The following ADAMTS6 variants were observed in gnomAD, a reference collection of about 807,000 sequenced individuals.
ADAMTS6 encodes ADAM metallopeptidase with thrombospondin type 1 motif 6, also known as A disintegrin and metalloproteinase with thrombospondin motifs 6.
Under a neutral mutation model 144.3 loss-of-function variants are expected in ADAMTS6, and 23 were observed. That is an observed-to-expected ratio of 0.16 (90% CI 0.11 to 0.23). The LOEUF is 0.23. ADAMTS6 is among the 10% of genes least tolerant of loss of function. ADAMTS6 has a pLI of 1.00. For missense variants in ADAMTS6, 999 were observed against 1,379.6 expected (o/e 0.72, Z 4.37); for synonymous variants, 444 against 457.5 (o/e 0.97, Z 0.38).
chr5:65,286,282 G>A (rs1741644709), intron 11 of ADAMTS6, among the ~76,000 whole-genome samples: 1 of 152,094 alleles, frequency 6.6e-6, no homozygotes, highest in South Asian at 2.1e-4. Flanking sequence ...TTAGGTCATA[G>A]TAATAGTTTA....
chr5:65,175,621 T>C (rs1023431683), intron 22 of ADAMTS6, among the ~76,000 whole-genome samples: 1 of 152,084 alleles, frequency 6.6e-6, no homozygotes, highest in Non-Finnish European at 1.5e-5. Context: ...GGCAACTGCT[T>C]TGCTAACAGA....
chr5:65,339,114 C>G (rs1747583673), intron 7 of ADAMTS6, among the ~76,000 whole-genome samples: 1 of 152,148 alleles, frequency 6.6e-6, no homozygotes, highest in South Asian at 2.1e-4. Flanking sequence ...AGACTGCAAG[C>G]TAGCCAACCC....
intron 24 of ADAMTS6, among the ~76,000 whole-genome samples, chr5:65,155,786 G>A (rs1752378925): frequency 6.6e-6 from 1 of 152,174 alleles, no homozygotes; most frequent in Non-Finnish European, 1.5e-5. Flanking sequence ...CTCTGACTCT[G>A]TATTCTTGGC....
At chr5:65,234,946 T>C (rs74557361) in intron 15 of ADAMTS6, among the ~76,000 whole-genome samples, 1 of 152,034 alleles carries the variant, frequency 6.6e-6, no homozygotes, top group African/African-American at 2.4e-5. Context: ...AAGAAAGAAA[T>C]AAAGAAATCC....
rs578248561 is a variant in ADAMTS6 at position 65,187,926 on chromosome 5, A to T, written c.2910+90T>A. ...ACACAGCCCTTACTTGTTGAGTTCT[A>T]AGATGTTCAGGTGTCCTTAATATTA... On this transcript the variant is annotated intron_variant, in intron 22 of 24. Coordinates refer to ENST00000381055, the MANE Select transcript of ADAMTS6 (RefSeq NM_197941.4). 4 of 1,305,484 alleles carry T rather than the reference A, an allele frequency of 3.1e-6. No individual in the cohort carries two copies. The Admixed American group carries it at 7.3e-5, about 24-fold the overall frequency. The allele number at this position is 1,305,484 out of a possible 1,614,324, so 80.9% of individuals were successfully genotyped here.
chr5:65,287,863 T>A (rs576731592), intron 11 of ADAMTS6, among the ~76,000 whole-genome samples: 3 of 152,230 alleles, frequency 2.0e-5, no homozygotes, highest in African/African-American at 7.2e-5. Context: ...CAATCTGAAG[T>A]AGCTCAGAAA....
chr5:65,252,408 A>AT (rs1760256137), intron 14 of ADAMTS6, among the ~76,000 whole-genome samples: 1 of 151,162 alleles, frequency 6.6e-6, no homozygotes, highest in African/African-American at 2.4e-5. Flanking sequence ...CGCCCGGCTA[A>AT]TTTTTTGTAT....
chr5:65,273,566 G>A (rs1461463395), intron 11 of ADAMTS6, 119 bp from the exon 12 acceptor site: 3 of 727,104 alleles, frequency 4.1e-6, no homozygotes, highest in African/African-American at 3.4e-5. Context: ...TTTTGCTGCT[G>A]AAGCATCGCA....
chr5:65,393,213 T>G (rs1329034012), intron 7 of ADAMTS6, among the ~76,000 whole-genome samples: 1 of 152,200 alleles, frequency 6.6e-6, no homozygotes, highest in Non-Finnish European at 1.5e-5. Flanking sequence ...ATTGGACATA[T>G]GGAAAGTTGG....
At chr5:65,349,229 G>A (rs920112794) in intron 7 of ADAMTS6, among the ~76,000 whole-genome samples, 2 of 152,068 alleles carry the variant, frequency 1.3e-5, no homozygotes, top group African/African-American at 4.8e-5. Flanking sequence ...GCAGCCAATA[G>A]TCTAATTCTG....
In ADAMTS6 at chr5:65,151,492, T is replaced by C; in HGVS notation, c.*344A>G. ...AAATGGATTCAGTGTCATTGCTAAG[T>C]CCATAATAAAAATTATCTTAATGGT... On this transcript the variant is annotated 3_prime_UTR_variant, in exon 25 of 25. Transcript: ENST00000381055. 1.8e-5 allele frequency: 4 copies of C among 219,182 alleles called. No homozygotes were observed. The highest frequency in any genetic ancestry group is 2.7e-5 in the Non-Finnish European group (3 of 110,982). 13.6% of individuals were successfully genotyped at this position (219,182 alleles called of 1,614,324 possible). A position where few individuals can be genotyped will look rare whatever the true frequency, so the allele number is the denominator to read the frequency against.
At chr5:65,219,767 T>C (rs568030225) in intron 18 of ADAMTS6, among the ~76,000 whole-genome samples, 2 of 152,216 alleles carry the variant, frequency 1.3e-5, no homozygotes, top group African/African-American at 2.4e-5. Context: ...ATGCTCAATA[T>C]ATCAAGAAGA....
chr5:65,375,930 C>T (rs943035139), intron 7 of ADAMTS6, among the ~76,000 whole-genome samples: 3 of 152,000 alleles, frequency 2.0e-5, no homozygotes, highest in African/African-American at 4.8e-5. Context: ...ACTATGCAGC[C>T]GTAAAAAATG....
chr5:65,435,783 C>T (rs1250780389), intron 7 of ADAMTS6, among the ~76,000 whole-genome samples: 3 of 151,718 alleles, frequency 2.0e-5, no homozygotes, highest in Non-Finnish European at 2.9e-5. Context: ...GTGCCATCAC[C>T]GTACACTAAT....
At chr5:65,295,219 C>T (rs952285777) in intron 10 of ADAMTS6, among the ~76,000 whole-genome samples, 4 of 151,888 alleles carry the variant, frequency 2.6e-5, no homozygotes, top group Non-Finnish European at 4.4e-5. Flanking sequence ...TCTATTAGGT[C>T]GGTGCAAAAG....
At chr5:65,420,713 G>T (rs996108085) in intron 7 of ADAMTS6, among the ~76,000 whole-genome samples, 23 of 152,084 alleles carry the variant, frequency 1.5e-4, no homozygotes, top group Non-Finnish European at 3.1e-4. Context: ...GAAAGAAAAA[G>T]GAATGCCCTT....
chr5:65,332,312 T>C (rs9784694), intron 8 of ADAMTS6, among the ~76,000 whole-genome samples: 4 of 102,090 alleles, frequency 3.9e-5, no homozygotes, highest in African/African-American at 1.4e-4. Flanking sequence ...TATATATATA[T>C]AGAGAGAGAG....
chr5:65,245,374 T>A (rs553569336), intron 14 of ADAMTS6, among the ~76,000 whole-genome samples: 1 of 152,226 alleles, frequency 6.6e-6, no homozygotes, highest in African/African-American at 2.4e-5. Context: ...ATCTTTTTTG[T>A]AGCTCCATCT....
At chr5:65,480,344 G>C (rs2150297380) in intron 1 of ADAMTS6, among the ~76,000 whole-genome samples, 1 of 141,502 alleles carries the variant, frequency 7.1e-6, no homozygotes, top group Non-Finnish European at 1.5e-5. Context: ...ACTTCGCCCA[G>C]ACAGAGGGTA....
Sources: gnomAD v4.1 joint callset for allele counts (sites outside exome capture counted in the v4.1 genomes callset) on GRCh38, gnomAD v4.1.1 for gene constraint, MANE v1.5 for transcripts, NCBI Gene and HGNC (gene_info 2026-07-23, HGNC 2026-07-21) for gene names.